The following ATG2B variants were observed in gnomAD, a reference collection of about 807,000 sequenced individuals.
ATG2B encodes autophagy related 2B.
Under a neutral mutation model 241.3 loss-of-function variants are expected in ATG2B, and 121 were observed. That is an observed-to-expected ratio of 0.50 (90% CI 0.43 to 0.58). ATG2B has a LOEUF of 0.58. ATG2B is among the 20% of genes least tolerant of loss of function. The pLI is 0.00. For synonymous variants in ATG2B, 858 were observed against 876.6 expected, an observed-to-expected ratio of 0.98 and a Z score of 0.37; for missense variants, 2,306 against 2,491.6, an observed-to-expected ratio of 0.93 and a Z score of 1.59.
chr14:96,346,067 A>C (rs1231906189), intron 2 of ATG2B, among the ~76,000 whole-genome samples: 1 of 152,208 alleles, frequency 6.6e-6, no homozygotes, highest in Non-Finnish European at 1.5e-5. Context: ...AGCTAAAAGA[A>C]GAGGTTAATT....
At chr14:96,352,720 A>C (rs1057218436) in intron 1 of ATG2B, among the ~76,000 whole-genome samples, 3 of 152,218 alleles carry the variant, frequency 2.0e-5, no homozygotes, top group African/African-American at 7.2e-5. Flanking sequence ...ATGTTATTAC[A>C]AAAGAAACAA....
At chr14:96,304,787 G>A (rs1886890609) in intron 31 of ATG2B, among the ~76,000 whole-genome samples, 184 bp from the exon 32 acceptor site, 1 of 152,118 alleles carries the variant, frequency 6.6e-6, no homozygotes, top group African/African-American at 2.4e-5. Context: ...ACTGAAACAC[G>A]CGTTTCATTA....
rs2139877592 is a variant in ATG2B at position 96,328,828 on chromosome 14, A to G, written c.1882-62T>C. Reference sequence around the variant, plus strand: ...ATCACAAGAATTTACAGAGGTGCCCATACAATAATGAGAAAGGCTTTCTGA... The same window carrying G: ...ATCACAAGAATTTACAGAGGTGCCCGTACAATAATGAGAAAGGCTTTCTGA... On this transcript the variant is annotated intron_variant, in intron 12 of 41. Transcript: ENST00000359933. 6 of 1,279,366 alleles carry G rather than the reference A, an allele frequency of 4.7e-6. No homozygotes were observed. In the South Asian group the frequency reaches 6.9e-5, roughly 15 times the overall value. 79.3% of individuals were successfully genotyped at this position (1,279,366 alleles called of 1,614,324 possible).
chr14:96,352,409 G>T (rs1888350623), intron 1 of ATG2B, among the ~76,000 whole-genome samples: 1 of 151,852 alleles, frequency 6.6e-6, no homozygotes. Flanking sequence ...CTGTAAAACA[G>T]GCTCAGGCAG....
At chr14:96,357,314 G>A (rs1018894060) in intron 1 of ATG2B, among the ~76,000 whole-genome samples, 1 of 151,768 alleles carries the variant, frequency 6.6e-6, no homozygotes, top group African/African-American at 2.4e-5. Context: ...GGCCTTTTTT[G>A]TTTCTCAAGC....
chr14:96,322,930 G>T (rs1387898761), intron 16 of ATG2B, among the ~76,000 whole-genome samples, 195 bp from the exon 17 acceptor site: 1 of 152,162 alleles, frequency 6.6e-6, no homozygotes, highest in Non-Finnish European at 1.5e-5. Context: ...ACTGAAACAA[G>T]TAAGTAACAG....
chr14:96,299,209 T>C (rs2139844321), intron 34 of ATG2B, among the ~76,000 whole-genome samples: 1 of 152,220 alleles, frequency 6.6e-6, no homozygotes, highest in Middle Eastern at 3.4e-3. Context: ...TTGGTATCTT[T>C]ACAAAAATCT....
chr14:96,347,786 C>A (rs753249301), intron 1 of ATG2B, among the ~76,000 whole-genome samples: 8 of 152,176 alleles, frequency 5.3e-5, no homozygotes, highest in Non-Finnish European at 1.0e-4. Context: ...AATGAGATAT[C>A]ATCTCACTAC....
Position 96,306,710 on chromosome 14 carries a change from T to G in ATG2B, c.4506+4A>C. ...AGGCTTCAATAATGTTATTAATTTA[T>G]TACCTGCATGGCTGCTTTTGGTGCA... On this transcript the variant is annotated splice_donor_region_variant and intron_variant, in intron 30 of 41. Transcript: ENST00000359933. The G allele has an allele frequency of 6.2e-7, 1 of 1,611,324 alleles. No individual in the cohort carries two copies. The highest frequency in any genetic ancestry group is 8.5e-7 in the Non-Finnish European group (1 of 1,178,154).
At chr14:96,286,063 G>A in intron 41 of ATG2B, 78 bp from the exon 42 acceptor site, 5 of 1,104,220 alleles carry the variant, frequency 4.5e-6, no homozygotes, top group Non-Finnish European at 6.6e-6. Flanking sequence ...CTATCCTGCA[G>A]TACACACTTT....
chr14:96,287,253 C>CAAAA (rs34710412), intron 41 of ATG2B, among the ~76,000 whole-genome samples: 1,203 of 77,168 alleles, frequency 0.016, 79 homozygotes, highest in African/African-American at 0.026. Flanking sequence ...GACTCCGTCT[C>CAAAA]AAAAAAAAAA....
At chr14:96,345,525 T>C (rs753302532) in intron 2 of ATG2B, 140 bp from the exon 3 acceptor site, 1 of 570,624 alleles carries the variant, frequency 1.8e-6, no homozygotes, top group Non-Finnish European at 2.8e-6. Context: ...AGGTAAACAA[T>C]ATTCTAGAAA....
Position 96,283,707 on chromosome 14 carries a change from G to C in ATG2B, c.*2048C>G, listed in dbSNP as rs947266614. The C allele has an allele frequency of 2.6e-5, 4 of 152,186 alleles. No homozygotes were observed. The highest frequency in any genetic ancestry group is 1.3e-4 in the Admixed American group (2 of 15,276). The allele number at this position is 152,186 out of a possible 1,614,324, so 9.4% of individuals were successfully genotyped here. A position where few individuals can be genotyped will look rare whatever the true frequency, so the allele number is the denominator to read the frequency against. On this transcript the variant is annotated 3_prime_UTR_variant, in exon 42 of 42. Coordinates refer to ENST00000359933, the MANE Select transcript of ATG2B (RefSeq NM_018036.7). ...CACTTGTAAAAAAGAAAAAGCTTAA[G>C]GACATTTAATAATGTAGAAGTGTTC... is the stretch of plus-strand genomic sequence containing the variant.
intron 36 of ATG2B, 122 bp from the exon 37 acceptor site, chr14:96,292,220 T>C (rs1886505399): frequency 1.8e-6 from 1 of 560,398 alleles, no homozygotes; most frequent in Admixed American, 3.3e-5. Context: ...CATATAAATA[T>C]CTTAAGAACT....
chr14:96,281,632 A>G lies in ATG2B; in HGVS notation c.*4123T>C, dbSNP rs1207381638. On this transcript the variant is annotated 3_prime_UTR_variant, in exon 42 of 42. Coordinates refer to ENST00000359933, the MANE Select transcript of ATG2B (RefSeq NM_018036.7). The stretch of plus-strand genomic sequence containing the variant: ...CGGAAGCTGCCATTTCGTATACACA[A>G]AATACAAGTGAAACAGTGAAGTAAA... 6.6e-6 allele frequency: 1 copy of G among 152,214 alleles called. No individual in the cohort carries two copies. Among genetic ancestry groups the G allele is most frequent in the Non-Finnish European group, 1.5e-5 (1 of 68,038 alleles). The allele number at this position is 152,214 out of a possible 1,614,324, so 9.4% of individuals were successfully genotyped here. A position where few individuals can be genotyped will look rare whatever the true frequency, so the allele number is the denominator to read the frequency against.
At chr14:96,291,816 T>C in intron 37 of ATG2B, 134 bp from the exon 38 acceptor site, 1 of 665,764 alleles carries the variant, frequency 1.5e-6, no homozygotes, top group Non-Finnish European at 2.5e-6. Flanking sequence ...ACAGTAAAAA[T>C]ATATATCTTA....
chr14:96,362,255 T>A (rs1888663461), intron 1 of ATG2B, among the ~76,000 whole-genome samples: 1 of 152,092 alleles, frequency 6.6e-6, no homozygotes, highest in Admixed American at 6.5e-5. Flanking sequence ...CACAAACCTA[T>A]CTTGTAAACA....
At position 96,290,809 on chromosome 14, in the gene ATG2B, C is replaced by G; in HGVS notation, c.5701+5G>C. ...ATCTTTTGATTAAAAAAGAAGAAAA[C>G]TCACCTAATTGTACTAGTGAATGCA... On this transcript the variant is annotated splice_donor_5th_base_variant and intron_variant, in intron 39 of 41. Transcript: ENST00000359933. This position sits in a 1 kb window ranked among gnomAD's most constrained non-coding sequence, Gnocchi z 4.4. The G allele has an allele frequency of 6.3e-7, 1 of 1,593,816 alleles. No individual in the cohort carries two copies. The highest frequency in any genetic ancestry group is 8.5e-7 in the Non-Finnish European group (1 of 1,174,634).
intron 6 of ATG2B, among the ~76,000 whole-genome samples, chr14:96,338,931 C>G (rs181133000): frequency 6.6e-6 from 1 of 151,840 alleles, no homozygotes; most frequent in Non-Finnish European, 1.5e-5. Flanking sequence ...TCAAACAAAT[C>G]GGCAAGAAAA....
Sources: gnomAD v4.1 joint callset for allele counts (sites outside exome capture counted in the v4.1 genomes callset) on GRCh38, gnomAD v4.1.1 for gene constraint, Gnocchi (gnomAD v3.1) non-coding constraint, MANE v1.5 for transcripts, NCBI Gene and HGNC (gene_info 2026-07-23, HGNC 2026-07-21) for gene names.